The following HNRNPC variants were observed in gnomAD, a reference collection of about 807,000 sequenced individuals.
HNRNPC encodes heterogeneous nuclear ribonucleoprotein C.
Under a neutral mutation model 33.2 loss-of-function variants are expected in HNRNPC, and 3 were observed. The ratio of observed to expected loss-of-function variants is 0.09; its 90% CI spans 0.04 to 0.23. The LOEUF (loss-of-function observed/expected upper bound fraction) is 0.23. Among genes scored for constraint, HNRNPC ranks in the 10% least tolerant of loss-of-function variants. The pLI, the probability that HNRNPC is intolerant of heterozygous loss-of-function variation, is 1.00. For missense variants in HNRNPC, 143 were observed against 366.7 expected (o/e 0.39, Z 4.98); for synonymous variants, 121 against 126.7 (o/e 0.96, Z 0.30).
chr14:21,213,241 TAAG>T lies in HNRNPC; in HGVS notation c.366-127_366-125del, dbSNP rs140466278. 31 of 1,033,286 alleles carry T rather than the reference TAAG, an allele frequency of 3.0e-5. No individual in the cohort carries two copies. In the East Asian group the frequency reaches 7.6e-4, roughly 25 times the overall value. The allele number at this position is 1,033,286 out of a possible 1,614,324, so 64.0% of individuals were successfully genotyped here. ...GTCGTTTCCTTTTATTAAATTTCAT[TAAG>T]AAGGCCAGCAAAAACCTCCACAGTG... On this transcript the variant is annotated intron_variant, in intron 5 of 8. Transcript: ENST00000553300.
At chr14:21,252,236 A>G (rs1896750727) in intron 2 of HNRNPC, among the ~76,000 whole-genome samples, 1 of 152,180 alleles carries the variant, frequency 6.6e-6, no homozygotes, top group Admixed American at 6.5e-5. Flanking sequence ...ATCCCCGTAG[A>G]AATAAAACAG....
chr14:21,224,170 A>T (rs1173864569), intron 5 of HNRNPC, among the ~76,000 whole-genome samples: 2 of 152,154 alleles, frequency 1.3e-5, no homozygotes, highest in East Asian at 3.8e-4. Context: ...GTGTCTGCTA[A>T]TCTAAACTCA....
chr14:21,247,210 A>G (rs1896077457), intron 2 of HNRNPC, among the ~76,000 whole-genome samples: 1 of 152,200 alleles, frequency 6.6e-6, no homozygotes, highest in Non-Finnish European at 1.5e-5. Context: ...CATTAAGTAC[A>G]GGGCTTAGCA....
chr14:21,230,456 ACAACAAATAGAT>A (rs1893984702), intron 4 of HNRNPC, 90 bp from the exon 5 acceptor site: 1 of 853,954 alleles, frequency 1.2e-6, no homozygotes, highest in Non-Finnish European at 2.0e-6. Context: ...CAAATAAACC[ACAACAAATAGAT>A]CAACAAGATT....
intron 2 of HNRNPC, among the ~76,000 whole-genome samples, chr14:21,241,819 C>T (rs571204522): frequency 1.3e-5 from 2 of 152,314 alleles, no homozygotes; most frequent in Admixed American, 6.5e-5. Flanking sequence ...AGAGTAATCT[C>T]TGAGAAAACA....
chr14:21,233,969 A>G lies in HNRNPC; in HGVS notation c.225T>C (p.Ile75=). 2 of 1,613,820 alleles carry G rather than the reference A, an allele frequency of 1.2e-6. No individual in the cohort carries two copies. Among genetic ancestry groups the G allele is most frequent in the Non-Finnish European group, 1.7e-6 (2 of 1,179,814 alleles). The change falls in exon 3 of 9, where the codon ATT becomes ATC. Residue 75 remains isoleucine, a synonymous_variant. Coordinates refer to ENST00000553300, the MANE Select transcript of HNRNPC (RefSeq NM_004500.4). ...TTCACTTACCTAAAACCTGGCCAGC[A>G]ATCATTCTGCCATCCTCTCCTGCTA... ...AAVAGEDGRM[I]AGQVLDINLA...
chr14:21,260,916 T>G (rs1878123930), intron 2 of HNRNPC, among the ~76,000 whole-genome samples: 1 of 137,660 alleles, frequency 7.3e-6, no homozygotes, highest in Non-Finnish European at 1.5e-5. Flanking sequence ...TGACCCAAGA[T>G]GGCACCACTG....
At chr14:21,231,971 A>T (rs1196499547) in intron 3 of HNRNPC, among the ~76,000 whole-genome samples, 1 of 152,210 alleles carries the variant, frequency 6.6e-6, no homozygotes, top group African/African-American at 2.4e-5. Context: ...GATTTTCTTT[A>T]TAAGTAAGGA....
At position 21,260,361 on chromosome 14, in the gene HNRNPC, G is replaced by A. The variant is rs868588269; in HGVS notation, c.-37+2950C>T. Among the ~76,000 whole-genome samples the A allele has an allele frequency of 5.6e-5, 7 of 124,902 alleles. No homozygotes were observed. In the South Asian group the frequency reaches 7.3e-4, roughly 13 times the overall value. 81.9% of individuals were successfully genotyped at this position (124,902 alleles called of 152,430 possible). A position where few individuals can be genotyped will look rare whatever the true frequency, so the allele number is the denominator to read the frequency against. ...AGTCTAGGTGACAGAGCGAGACTCC[G>A]TCTTATTTAAAAAAAAAAAAAAAAA... On this transcript the variant is annotated intron_variant, in intron 2 of 8. Transcript: ENST00000553300.
In HNRNPC at chr14:21,234,313, TC is replaced by T. The variant is rs1894430905; in HGVS notation, c.-36-85del. 43 of 1,275,402 alleles carry T rather than the reference TC, an allele frequency of 3.4e-5. No homozygotes were observed. The Admixed American group carries it at 3.6e-4, about 11-fold the overall frequency. The allele number at this position is 1,275,402 out of a possible 1,614,324, so 79.0% of individuals were successfully genotyped here. On this transcript the variant is annotated intron_variant, in intron 2 of 8. Transcript: ENST00000553300. The stretch of plus-strand genomic sequence containing the variant: ...AAACATTCTCCACTCTCACTCTGAA[TC>T]ACTGTTAACTGCCCAGAGTATTAGG...
chr14:21,236,184 T>A (rs1454335676), intron 2 of HNRNPC, among the ~76,000 whole-genome samples: 1 of 152,082 alleles, frequency 6.6e-6, no homozygotes, highest in African/African-American at 2.4e-5. Context: ...AAGGAAAAAC[T>A]CAGTAGAAAA....
At chr14:21,240,941 A>G (rs1279425790) in intron 2 of HNRNPC, among the ~76,000 whole-genome samples, 1 of 152,116 alleles carries the variant, frequency 6.6e-6, no homozygotes, top group African/African-American at 2.4e-5. Flanking sequence ...GAAATTCAAA[A>G]CCCTGCCTTA....
chr14:21,216,845 A>C (rs1892247196), intron 5 of HNRNPC, among the ~76,000 whole-genome samples: 1 of 152,226 alleles, frequency 6.6e-6, no homozygotes, highest in Non-Finnish European at 1.5e-5. Context: ...GATATAAAAA[A>C]GTTTAACACA....
intron 2 of HNRNPC, among the ~76,000 whole-genome samples, chr14:21,235,216 C>T (rs565641064): frequency 6.6e-6 from 1 of 152,128 alleles, no homozygotes; most frequent in Non-Finnish European, 1.5e-5. Flanking sequence ...CCACTCCAAC[C>T]CCCAATCTTG....
chr14:21,232,667 A>G (rs973707797), intron 3 of HNRNPC, among the ~76,000 whole-genome samples: 6 of 152,170 alleles, frequency 3.9e-5, no homozygotes, highest in African/African-American at 1.4e-4. Context: ...GAACCTGGCC[A>G]AATGTGGATA....
chr14:21,267,345 T>C (rs1372640308), intron 1 of HNRNPC, among the ~76,000 whole-genome samples: 2 of 152,186 alleles, frequency 1.3e-5, no homozygotes, highest in African/African-American at 4.8e-5. Flanking sequence ...ATTTAATAAT[T>C]TGCCCCTTAG....
chr14:21,231,014 A>G lies in HNRNPC; in HGVS notation c.300T>C (p.Ser100=). 6.2e-7 allele frequency: 1 copy of G among 1,614,260 alleles called. No homozygotes were observed. Among genetic ancestry groups the G allele is most frequent in the Non-Finnish European group, 8.5e-7 (1 of 1,180,048 alleles). ...TTACTGACCCGTACATCTCCGCTGC[A>G]GATCGTTTCACACCTGCTTTTCCTC... ...VNRGKAGVKR[S]AAEMYGSSFD... is the part of the protein sequence containing the mutation. The change falls in exon 4 of 9, where the codon TCT becomes TCC. Residue 100 remains serine, a synonymous_variant. Transcript: ENST00000553300.
At chr14:21,224,206 C>G (rs1893159432) in intron 5 of HNRNPC, among the ~76,000 whole-genome samples, 1 of 152,112 alleles carries the variant, frequency 6.6e-6, no homozygotes, top group Middle Eastern at 3.2e-3. Flanking sequence ...TCCTTCAACC[C>G]ATATTGTTAA....
rs140232960 is a variant in HNRNPC, at chr14:21,232,415, T to C, written c.242-1343A>G. Among the ~76,000 whole-genome samples, 1,220 of 152,240 alleles carry C rather than the reference T, an allele frequency of 8.0e-3. 20 individuals are homozygous for C. The highest frequency in any genetic ancestry group is 0.028 in the African/African-American group (1,160 of 41,544). ...TTTTTTTAGACAGAGTCTTGCCCCA[T>C]TGCCCAGGCTGGAGTGCAATCACGG... On this transcript the variant is annotated intron_variant, in intron 3 of 8. Transcript: ENST00000553300.
Sources: gnomAD v4.1 joint callset for allele counts (sites outside exome capture counted in the v4.1 genomes callset) on GRCh38, gnomAD v4.1.1 for gene constraint, MANE v1.5 for transcripts, NCBI Gene and HGNC (gene_info 2026-07-23, HGNC 2026-07-21) for gene names.